The following LAMA2 variants were observed in gnomAD, a reference collection of about 807,000 sequenced individuals.
LAMA2 encodes laminin subunit alpha-2.
Under a neutral mutation model 364.8 loss-of-function variants are expected in LAMA2, and 269 were observed. That is an observed-to-expected ratio of 0.74 (90% CI 0.67 to 0.82). The LOEUF (loss-of-function observed/expected upper bound fraction) is 0.82, where lower values mean the gene tolerates loss of function less well. Among genes scored for constraint, LAMA2 ranks in the 40% least tolerant of loss-of-function variants. The probability of loss-of-function intolerance (pLI) is 0.00; values close to 1 mark genes in which losing one functional copy is unlikely to be tolerated. For missense variants in LAMA2, 3,807 were observed against 3,873.2 expected (o/e 0.98, Z 0.45); for synonymous variants, 1,379 against 1,370.6 (o/e 1.01, Z -0.14).
intron 2 of LAMA2, among the ~76,000 whole-genome samples, chr6:129,051,139 C>T (rs866575711): frequency 1.0e-4 from 15 of 150,358 alleles, no homozygotes; most frequent in African/African-American, 3.7e-4. Flanking sequence ...ATCTATCTTT[C>T]TGACATGCCT....
chr6:129,499,565 A>G (rs948076944), intron 58 of LAMA2, among the ~76,000 whole-genome samples: 1 of 152,138 alleles, frequency 6.6e-6, no homozygotes, highest in Non-Finnish European at 1.5e-5. Context: ...TTTCTATTCC[A>G]TCTCACTTGT....
chr6:129,046,297 C>T (rs1041585158), intron 1 of LAMA2, among the ~76,000 whole-genome samples: 2 of 152,090 alleles, frequency 1.3e-5, no homozygotes, highest in African/African-American at 4.8e-5. Context: ...TAAAGACATA[C>T]CCAAGACTGG....
intron 18 of LAMA2, among the ~76,000 whole-genome samples, chr6:129,286,504 A>G (rs1789137397): frequency 7.3e-6 from 1 of 137,672 alleles, no homozygotes; most frequent in Non-Finnish European, 1.5e-5. Context: ...CTTCTTTGCC[A>G]TGCCCTATAA....
intron 51 of LAMA2, among the ~76,000 whole-genome samples, chr6:129,470,985 A>G (rs1348302545): frequency 2.0e-5 from 3 of 151,844 alleles, no homozygotes; most frequent in African/African-American, 7.2e-5. Flanking sequence ...ACTCAATTAG[A>G]TTTTCAGTGG....
At chr6:128,902,990 A>T (rs1261659694) in intron 1 of LAMA2, among the ~76,000 whole-genome samples, 1 of 152,174 alleles carries the variant, frequency 6.6e-6, no homozygotes, top group African/African-American at 2.4e-5. Flanking sequence ...CACAACTTAG[A>T]ATATGTATAC....
chr6:129,323,026 C>T (rs1775062135), intron 28 of LAMA2, among the ~76,000 whole-genome samples: 1 of 152,178 alleles, frequency 6.6e-6, no homozygotes, highest in African/African-American at 2.4e-5. Flanking sequence ...TATTTACAGA[C>T]AGTAATTGCA....
At chr6:129,247,614 C>A (rs1253026811) in intron 12 of LAMA2, among the ~76,000 whole-genome samples, 1 of 152,008 alleles carries the variant, frequency 6.6e-6, no homozygotes. Context: ...GTAACAGTAT[C>A]CTGAAAATTG....
intron 2 of LAMA2, among the ~76,000 whole-genome samples, chr6:129,052,175 G>C (rs943816233): frequency 1.5e-5 from 2 of 134,444 alleles, no homozygotes; most frequent in African/African-American, 2.8e-5. Context: ...TCGCTCTGTC[G>C]CCCAGGCTGC....
At chr6:129,468,514 C>T (rs956356032) in intron 51 of LAMA2, among the ~76,000 whole-genome samples, 7 of 151,704 alleles carry the variant, frequency 4.6e-5, no homozygotes, top group Non-Finnish European at 7.4e-5. Flanking sequence ...AGAAAAGCAT[C>T]GAAGCTGCAA....
intron 11 of LAMA2, among the ~76,000 whole-genome samples, chr6:129,190,689 A>G (rs532107646): frequency 1.3e-5 from 2 of 152,334 alleles, no homozygotes; most frequent in African/African-American, 4.8e-5. Flanking sequence ...ATTTTCCATT[A>G]CTAGTATGTT....
intron 1 of LAMA2, chr6:128,928,951 G>A: frequency 1.1e-6 from 1 of 898,218 alleles, no homozygotes; most frequent in Non-Finnish European, 1.9e-6. Context: ...AGGGAGTAGA[G>A]GAGGTAATAC....
In LAMA2 at chr6:129,455,101, C is replaced by T. The variant is rs149970761; in HGVS notation, c.6707+813C>T. ...TAAAAGAAAGAGCCATGTGCAATGG[C>T]ATGTGCTGTAGTCCCAGCTACTTGG... On this transcript the variant is annotated intron_variant, in intron 47 of 64. Coordinates refer to ENST00000421865, the MANE Select transcript of LAMA2 (RefSeq NM_000426.4). Among the ~76,000 whole-genome samples the T allele has an allele frequency of 7.2e-5, 11 of 152,198 alleles. No homozygotes were observed. In the East Asian group the frequency reaches 9.7e-4, roughly 13 times the overall value.
At chr6:129,279,067 T>C (rs999346921) in intron 17 of LAMA2, among the ~76,000 whole-genome samples, 1 of 152,212 alleles carries the variant, frequency 6.6e-6, no homozygotes, top group African/African-American at 2.4e-5. Context: ...CAAGTCTCTA[T>C]TGAATTGCCC....
chr6:129,200,457 T>C (rs1782204420), intron 12 of LAMA2, among the ~76,000 whole-genome samples: 1 of 148,708 alleles, frequency 6.7e-6, no homozygotes, highest in South Asian at 2.1e-4. Context: ...TGTATATATA[T>C]ACATGTACAC....
chr6:129,205,489 TATATAC>T (rs1233722693), intron 12 of LAMA2, among the ~76,000 whole-genome samples: 1 of 130,514 alleles, frequency 7.7e-6, no homozygotes, highest in East Asian at 2.2e-4. Context: ...TATATATATA[TATATAC>T]ACACACACAC....
intron 40 of LAMA2, among the ~76,000 whole-genome samples, chr6:129,410,002 T>C (rs1432465822): frequency 1.3e-5 from 2 of 152,124 alleles, no homozygotes; most frequent in African/African-American, 4.8e-5. Context: ...CCAGAGGCAA[T>C]AAGCACACTC....
At chr6:129,344,630 C>T (rs990971890) in intron 30 of LAMA2, among the ~76,000 whole-genome samples, 13 of 152,048 alleles carry the variant, frequency 8.5e-5, no homozygotes, top group African/African-American at 3.1e-4. Context: ...ATTTCCCAGG[C>T]TAATGTTATC....
chr6:129,172,129 C>T (rs1354190055), intron 9 of LAMA2, among the ~76,000 whole-genome samples: 2 of 151,378 alleles, frequency 1.3e-5, no homozygotes, highest in East Asian at 1.9e-4. Context: ...AATGTCCTCC[C>T]GTAGCTCAGA....
intron 12 of LAMA2, among the ~76,000 whole-genome samples, chr6:129,220,265 T>C (rs565621291): frequency 6.6e-6 from 1 of 152,310 alleles, no homozygotes; most frequent in South Asian, 2.1e-4. Flanking sequence ...AAAAAACATA[T>C]AGTGAAATAA....
Sources: gnomAD v4.1 joint callset for allele counts (sites outside exome capture counted in the v4.1 genomes callset) on GRCh38, gnomAD v4.1.1 for gene constraint, MANE v1.5 for transcripts, NCBI Gene and HGNC (gene_info 2026-07-23, HGNC 2026-07-21) for gene names.